CYREN: variants seen among roughly 807,000 people sequenced by gnomAD.
The protein encoded by CYREN is cell cycle regulator of NHEJ.
A neutral mutation model predicts 9.7 loss-of-function variants in CYREN; 7 were observed. The observed-to-expected ratio is 0.72, with a 90% CI of 0.41 to 1.36. The LOEUF (loss-of-function observed/expected upper bound fraction) is 1.36, where lower values mean the gene tolerates loss of function less well. Ranked by LOEUF, CYREN falls within the 40% of genes most tolerant of loss-of-function variation. The pLI, the probability that CYREN is intolerant of heterozygous loss-of-function variation, is 0.01. For synonymous variants in CYREN, 76 were observed against 77.9 expected (o/e 0.98, Z 0.13); for missense variants, 215 against 198.1 (o/e 1.09, Z -0.51).
upstream of CYREN, among the ~76,000 whole-genome samples, chr7:135,172,118 G>A (rs183548462): frequency 6.5e-4 from 98 of 151,370 alleles, no homozygotes; most frequent in Non-Finnish European, 1.2e-3. Flanking sequence ...CCCACTCCAC[G>A]TGAGTGGAAG....
chr7:135,121,167 T>G (rs1336927103), intron 2 of CYREN, among the ~76,000 whole-genome samples: 1 of 152,054 alleles, frequency 6.6e-6, no homozygotes, highest in East Asian at 1.9e-4. Flanking sequence ...ATGGTGCCAT[T>G]GCACTCCAGC....
chr7:135,162,934 C>T (rs1283846822), downstream of CYREN, among the ~76,000 whole-genome samples: 4 of 152,188 alleles, frequency 2.6e-5, no homozygotes, highest in African/African-American at 9.7e-5. Flanking sequence ...ATTAGAGGGA[C>T]TATGATTAGC....
chr7:135,109,928 A>C (rs1008702178), intron 2 of CYREN, among the ~76,000 whole-genome samples: 4 of 152,210 alleles, frequency 2.6e-5, no homozygotes, highest in African/African-American at 7.2e-5. Flanking sequence ...TGCCAGCTGG[A>C]AAACACCAGT....
intron 3 of CYREN, chr7:135,167,096 A>C: frequency 2.0e-6 from 2 of 985,322 alleles, no homozygotes; most frequent in Non-Finnish European, 2.4e-6. Flanking sequence ...GGAGAGAAGC[A>C]AGCAAAGGCA....
chr7:135,148,793 T>A (rs1829604392), intron 2 of CYREN, among the ~76,000 whole-genome samples: 2 of 152,218 alleles, frequency 1.3e-5, no homozygotes, highest in African/African-American at 4.8e-5. Context: ...AAGAGATGTT[T>A]AGATCTTATG....
intron 2 of CYREN, among the ~76,000 whole-genome samples, chr7:135,101,683 A>T (rs1823848584): frequency 6.6e-6 from 1 of 152,104 alleles, no homozygotes; most frequent in Non-Finnish European, 1.5e-5. Context: ...CTAATTGAAG[A>T]CTAATATAGT....
chr7:135,167,792 C>T lies in CYREN; in HGVS notation c.153G>A (p.Arg51=), dbSNP rs1364330776. 2 of 1,614,074 alleles carry T rather than the reference C, an allele frequency of 1.2e-6. No homozygotes were observed. Among genetic ancestry groups the T allele is most frequent in the African/African-American group, 2.7e-5 (2 of 74,928 alleles). The change falls in exon 3 of 4, where the codon AGG becomes AGA. Residue 51 remains arginine, a synonymous_variant. Coordinates refer to ENST00000393114, the MANE Select transcript of CYREN (RefSeq NM_024033.4). ...CAGCCTCATTCATGCAGTACACAGT[C>T]CTTGTCGCAGGGAGTCTGAAAAAAA... is the stretch of plus-strand genomic sequence containing the variant. ...PVAAARLPAT[R]TVYCMNEAEI...
At chr7:135,106,433 A>G (rs938011967) in intron 2 of CYREN, among the ~76,000 whole-genome samples, 1 of 152,172 alleles carries the variant, frequency 6.6e-6, no homozygotes, top group African/African-American at 2.4e-5. Context: ...AGGAATGTTG[A>G]ATTTTATCAA....
chr7:135,095,384 G>A lies in CYREN; in HGVS notation n.357-802C>T, dbSNP rs574604092. On this transcript the variant is annotated intron_variant and non_coding_transcript_variant, in intron 2 of 2. Transcript: ENST00000459937. The stretch of plus-strand genomic sequence containing the variant: ...AAAGACAGATTCTATCTGATAAGTC[G>A]TTCTTTGGAAATCCTAAAGACAACA... Among the ~76,000 whole-genome samples the A allele has an allele frequency of 5.3e-5, 8 of 152,260 alleles. No individual in the cohort carries two copies. The South Asian group carries it at 1.5e-3, about 28-fold the overall frequency.
chr7:135,169,785 A>G (rs1373745454), intron 1 of CYREN, among the ~76,000 whole-genome samples: 1 of 152,224 alleles, frequency 6.6e-6, no homozygotes, highest in African/African-American at 2.4e-5. Context: ...GAATCAAGCC[A>G]GAAGCTCCTG....
chr7:135,164,223 G>A (rs1391135081), downstream of CYREN, among the ~76,000 whole-genome samples: 1 of 152,236 alleles, frequency 6.6e-6, no homozygotes, highest in African/African-American at 2.4e-5. Flanking sequence ...CCTCAAATCA[G>A]AGGGCAGCTA....
chr7:135,156,876 G>A (rs951283212), intron 2 of CYREN, among the ~76,000 whole-genome samples: 2 of 152,120 alleles, frequency 1.3e-5, no homozygotes, highest in African/African-American at 2.4e-5. Flanking sequence ...TGAATCATGG[G>A]GGCTGGTCTT....
intron 2 of CYREN, among the ~76,000 whole-genome samples, chr7:135,145,677 A>C (rs1829532898): frequency 6.6e-6 from 1 of 152,228 alleles, no homozygotes. Flanking sequence ...AGAGAAGATC[A>C]AAAGTTATGC....
chr7:135,118,704 G>A (rs1826672689), intron 2 of CYREN, among the ~76,000 whole-genome samples: 1 of 152,144 alleles, frequency 6.6e-6, no homozygotes, highest in Non-Finnish European at 1.5e-5. Context: ...TGTTAATGAT[G>A]TTAGAATTTT....
chr7:135,121,855 G>A (rs1022807057), intron 2 of CYREN, among the ~76,000 whole-genome samples: 1 of 152,174 alleles, frequency 6.6e-6, no homozygotes, highest in African/African-American at 2.4e-5. Context: ...GAGTGAGTGT[G>A]CTACCCAGCC....
chr7:135,101,125 T>C (rs1259727787), intron 2 of CYREN: 1 of 453,974 alleles, frequency 2.2e-6, no homozygotes, highest in African/African-American at 2.0e-5. Flanking sequence ...AACACAAACA[T>C]TTTTTAGAAA....
At chr7:135,166,981 C>T in intron 3 of CYREN, 110 bp from the exon 4 acceptor site, 6 of 1,524,030 alleles carry the variant, frequency 3.9e-6, no homozygotes, top group Non-Finnish European at 5.3e-6. Context: ...GCCAATGTGA[C>T]CAGGCCAGGC....
At chr7:135,162,013 G>A (rs1210508566), downstream of CYREN, among the ~76,000 whole-genome samples, 1 of 152,218 alleles carries the variant, frequency 6.6e-6, no homozygotes, top group Non-Finnish European at 1.5e-5. Flanking sequence ...AGCCTGCCCA[G>A]GTCTCTGCCA....
chr7:135,092,898 C>T lies in CYREN; in HGVS notation n.2041G>A, dbSNP rs1000718920. The T allele has an allele frequency of 4.0e-5, 6 of 151,780 alleles. No individual in the cohort carries two copies. The South Asian group carries it at 8.3e-4, about 21-fold the overall frequency. 9.4% of individuals were successfully genotyped at this position (151,780 alleles called of 1,614,324 possible). Reference sequence around the variant, plus strand: ...TATGAAAATTAAACAATATAATATACCATGTTAATAGAATATAAAGAAAAA... The same window carrying T: ...TATGAAAATTAAACAATATAATATATCATGTTAATAGAATATAAAGAAAAA... On this transcript the variant is annotated non_coding_transcript_exon_variant, in exon 3 of 3. Coordinates refer to the CYREN transcript ENST00000459937.
Sources: gnomAD v4.1 joint callset for allele counts (sites outside exome capture counted in the v4.1 genomes callset) on GRCh38, gnomAD v4.1.1 for gene constraint, MANE v1.5 for transcripts, NCBI Gene and HGNC (gene_info 2026-07-23, HGNC 2026-07-21) for gene names.